Variants in SYNE1 observed in about 807,000 individuals in gnomAD.
SYNE1 encodes nesprin-1.
In SYNE1, 616 loss-of-function variants were observed where a neutral mutation model predicts 1,111.0. That is an observed-to-expected ratio of 0.55 (90% CI 0.52 to 0.59). The LOEUF (loss-of-function observed/expected upper bound fraction) is 0.59. SYNE1 is among the 20% of genes least tolerant of loss of function. The pLI is 0.00. For missense variants in SYNE1, 10,006 were observed against 10,417.0 expected (o/e 0.96, Z 1.72); for synonymous variants, 3,855 against 3,825.8 (o/e 1.01, Z -0.28).
At chr6:152,549,540 T>C (rs191273851) in intron 3 of SYNE1, among the ~76,000 whole-genome samples, 73 of 152,334 alleles carry the variant, frequency 4.8e-4, no homozygotes, top group African/African-American at 1.7e-3. Flanking sequence ...TGGGCCTGTC[T>C]CCTAGGCCTT....
At chr6:152,473,854 A>G (rs2098820434) in intron 14 of SYNE1, among the ~76,000 whole-genome samples, 1 of 152,162 alleles carries the variant, frequency 6.6e-6, no homozygotes, top group South Asian at 2.1e-4. Context: ...AAGTCTTTAC[A>G]AGCTACCCAA....
Position 152,634,234 on chromosome 6 carries a change from G to C in SYNE1, c.-224+2404C>G, listed in dbSNP as rs183336792. Among the ~76,000 whole-genome samples, 140 of 152,316 alleles carry C rather than the reference G, an allele frequency of 9.2e-4. 1 individual carries two copies. The highest frequency in any genetic ancestry group is 8.2e-3 in the Admixed American group (126 of 15,304). On this transcript the variant is annotated intron_variant, in intron 2 of 145. Coordinates refer to ENST00000367255, the MANE Select transcript of SYNE1 (RefSeq NM_182961.4). ...AAACCCTGCAATGACCAGAGACAACGTGGCTCATTTCTAACCAAAAAGAAA... is the reference window on the plus strand; with the variant it reads ...AAACCCTGCAATGACCAGAGACAACCTGGCTCATTTCTAACCAAAAAGAAA...
intron 2 of SYNE1, among the ~76,000 whole-genome samples, chr6:152,635,843 G>A (rs1167658567): frequency 1.3e-5 from 2 of 152,144 alleles, no homozygotes; most frequent in Non-Finnish European, 2.9e-5. Flanking sequence ...TTCCCTCTGG[G>A]CTGGACCTGA....
intron 56 of SYNE1, among the ~76,000 whole-genome samples, chr6:152,380,309 A>C (rs1434699917): frequency 6.6e-6 from 1 of 152,158 alleles, no homozygotes; most frequent in Admixed American, 6.5e-5. Flanking sequence ...GCATTATAAA[A>C]CTGGAAATAT....
chr6:152,451,149 C>G lies in SYNE1; in HGVS notation c.3084G>C (p.Lys1028Asn). ...HLLHLKIDVE[K>N]NRFLASVEEC... ...CTTCTACAGAGGCTAAGAACCTATT[C>G]TTCTCCACATCAATCTTCAGATGAA... The change falls in exon 26 of 146, where the codon AAG becomes AAC. Residue 1028 changes from lysine (K) to asparagine (N), a missense_variant. Lys to Asn is a moderately conservative substitution (Grantham distance 94, BLOSUM62 0). Coordinates refer to ENST00000367255, the MANE Select transcript of SYNE1 (RefSeq NM_182961.4). 6.2e-7 allele frequency: 1 copy of G among 1,614,118 alleles called. No homozygotes were observed. Among genetic ancestry groups the G allele is most frequent in the Non-Finnish European group, 8.5e-7 (1 of 1,180,012 alleles).
At chr6:152,356,192 T>C (rs2096834761) in intron 66 of SYNE1, among the ~76,000 whole-genome samples, 1 of 152,038 alleles carries the variant, frequency 6.6e-6, no homozygotes. Context: ...TCTGCCATTG[T>C]AGTATGAAAA....
Position 152,330,822 on chromosome 6 carries a change from C to T in SYNE1, c.13863G>A (p.Thr4621=), listed in dbSNP as rs112266645. Residue 4621 remains threonine, a synonymous_variant, in exon 78 of 146, where the codon ACG becomes ACA. Transcript: ENST00000367255. ...QSPEYENLLL[T]LQRTGQTILP... ...ATATGGTCTGCCCAGTTCTCTGCAGCGTAAGTAGAAGATTTTCATATTCTG... is the reference window on the plus strand; with the variant it reads ...ATATGGTCTGCCCAGTTCTCTGCAGTGTAAGTAGAAGATTTTCATATTCTG... 1,546 of 1,613,894 alleles carry T rather than the reference C, an allele frequency of 9.6e-4. 14 individuals carry two copies. Among genetic ancestry groups the T allele is most frequent in the African/African-American group, 9.3e-3 (698 of 75,028 alleles).
intron 3 of SYNE1, among the ~76,000 whole-genome samples, chr6:152,591,180 C>T (rs1583040227): frequency 6.6e-6 from 1 of 152,082 alleles, no homozygotes; most frequent in Non-Finnish European, 1.5e-5. Flanking sequence ...TTATTTCACT[C>T]TCAGCCCAGA....
chr6:152,125,286 A>G, intron 145 of SYNE1: 1 of 1,550,454 alleles, frequency 6.4e-7, no homozygotes, highest in Non-Finnish European at 8.7e-7. Context: ...TGTAGAAGCA[A>G]AGAAGAGAAT....
chr6:152,559,476 G>A (rs2099387434), intron 3 of SYNE1, among the ~76,000 whole-genome samples: 1 of 152,006 alleles, frequency 6.6e-6, no homozygotes, highest in Admixed American at 6.6e-5. Flanking sequence ...CAAGAGATCA[G>A]TAATATGAAG....
rs762392590 is a variant in SYNE1 at position 152,330,853 on chromosome 6, T to A, written c.13832A>T (p.Gln4611Leu). 6.2e-7 allele frequency: 1 copy of A among 1,614,198 alleles called. No homozygotes were observed. Among genetic ancestry groups the A allele is most frequent in the Non-Finnish European group, 8.5e-7 (1 of 1,180,036 alleles). The change falls in exon 78 of 146, where the codon CAA becomes CTA. Residue 4611 changes from glutamine (Q) to leucine (L), a missense_variant. This residue lies in a region of SYNE1 where 4,955 missense variants were observed against 5,017.2 expected (regional missense o/e 0.99). Transcript: ENST00000367255. The part of the protein sequence containing the change: ...QLAKYQNILE[Q>L]SPEYENLLLT... Reference sequence around the variant, plus strand: ...TAGAAGATTTTCATATTCTGGAGATTGTTCAAGAATGTTTTGGTATTTAGC... The same window carrying A: ...TAGAAGATTTTCATATTCTGGAGATAGTTCAAGAATGTTTTGGTATTTAGC...
At chr6:152,466,467 T>C (rs1217729006) in intron 16 of SYNE1, among the ~76,000 whole-genome samples, 1 of 152,192 alleles carries the variant, frequency 6.6e-6, no homozygotes, top group Admixed American at 6.5e-5. Context: ...ACATTAATCC[T>C]GGTGAATGAC....
intron 46 of SYNE1, among the ~76,000 whole-genome samples, chr6:152,402,913 T>C (rs1457914563): frequency 6.6e-6 from 1 of 152,190 alleles, no homozygotes; most frequent in East Asian, 1.9e-4. Flanking sequence ...ATAAGGACTC[T>C]TTATCTTTTT....
intron 14 of SYNE1, 38 bp downstream of exon 14, chr6:152,483,047 G>T (rs1378941794): frequency 1.9e-6 from 3 of 1,612,578 alleles, no homozygotes; most frequent in Non-Finnish European, 2.5e-6. Context: ...CCACAGTAGG[G>T]CTGTTATGCT....
intron 66 of SYNE1, among the ~76,000 whole-genome samples, chr6:152,355,439 G>C (rs1182848389): frequency 6.6e-6 from 1 of 152,168 alleles, no homozygotes; most frequent in African/African-American, 2.4e-5. Context: ...TGCCAAAGCT[G>C]TACTCTAGGC....
chr6:152,233,082 A>C (rs1259580292), intron 112 of SYNE1, among the ~76,000 whole-genome samples: 4 of 152,194 alleles, frequency 2.6e-5, no homozygotes, highest in Non-Finnish European at 5.9e-5. Context: ...TAAGAGGATT[A>C]TTTACATCTA....
intron 93 of SYNE1, among the ~76,000 whole-genome samples, chr6:152,297,304 C>T (rs1390463979): frequency 1.3e-5 from 2 of 152,192 alleles, no homozygotes; most frequent in Non-Finnish European, 2.9e-5. Context: ...TGCACTCCAA[C>T]TGCCTAACTG....
At chr6:152,510,436 T>G (rs2099079366) in intron 7 of SYNE1, 65 bp from the exon 8 acceptor site, 1 of 1,561,176 alleles carries the variant, frequency 6.4e-7, no homozygotes, top group African/African-American at 1.4e-5. Flanking sequence ...CCTCAGATGT[T>G]TTACTTTTCC....
chr6:152,496,056 C>CT (rs2098997710), intron 11 of SYNE1, among the ~76,000 whole-genome samples: 1 of 152,156 alleles, frequency 6.6e-6, no homozygotes, highest in Admixed American at 6.5e-5. Flanking sequence ...GTCTCTTCTT[C>CT]TGTGACTCCT....
Sources: allele counts gnomAD v4.1 joint callset (sites outside exome capture counted in the v4.1 genomes callset), GRCh38; gene constraint gnomAD v4.1.1; regional missense constraint gnomAD v4.1.1; transcripts MANE v1.5; gene names NCBI Gene and HGNC (gene_info 2026-07-23, HGNC 2026-07-21).